The following CHRM5 variants were observed in gnomAD, a reference collection of about 807,000 sequenced individuals.
The protein encoded by CHRM5 is cholinergic receptor muscarinic 5.
In CHRM5, 18 loss-of-function variants were observed where a neutral mutation model predicts 39.0. The ratio of observed to expected loss-of-function variants is 0.46; its 90% CI spans 0.32 to 0.68. CHRM5 has a LOEUF of 0.68. CHRM5 is among the 30% of genes least tolerant of loss of function. CHRM5 has a pLI of 0.04. For missense variants in CHRM5, 515 were observed against 651.1 expected (o/e 0.79, Z 2.28); for synonymous variants, 241 against 246.3 (o/e 0.98, Z 0.20).
chr15:34,062,143 C>T (rs1027127826), intron 2 of CHRM5, among the ~76,000 whole-genome samples: 1 of 152,190 alleles, frequency 6.6e-6, no homozygotes, highest in African/African-American at 2.4e-5. Flanking sequence ...GAAGGGCACT[C>T]AGCCATAGGT....
At chr15:34,031,134 A>C (rs1299693510) in intron 1 of CHRM5, among the ~76,000 whole-genome samples, 1 of 148,600 alleles carries the variant, frequency 6.7e-6, no homozygotes, top group African/African-American at 2.5e-5. Context: ...TTTTTGTAAC[A>C]GCCTATTATC....
At position 34,026,787 on chromosome 15, in the gene CHRM5, C is replaced by T. The variant is rs181152554; in HGVS notation, c.-407-19753C>T. Among the ~76,000 whole-genome samples the T allele has an allele frequency of 5.2e-3, 789 of 152,192 alleles. 4 individuals are homozygous for T. The highest frequency in any genetic ancestry group is 7.6e-3 in the Non-Finnish European group (514 of 68,022). On this transcript the variant is annotated intron_variant, in intron 1 of 2. Coordinates refer to ENST00000383263, the MANE Select transcript of CHRM5 (RefSeq NM_012125.4). ...ATTGACAGTTTCAGAAAAAGTAAGT[C>T]GCTCACATTAAATATTAAAAACTTC...
At chr15:34,018,177 T>C (rs1163786290) in intron 1 of CHRM5, 1 of 152,264 alleles carries the variant, frequency 6.6e-6, no homozygotes, top group African/African-American at 2.4e-5. Flanking sequence ...AAGGCATTGT[T>C]ACATAGGAGA....
intron 2 of CHRM5, among the ~76,000 whole-genome samples, 196 bp downstream of exon 2, chr15:34,047,067 T>C (rs908485166): frequency 3.3e-5 from 4 of 120,432 alleles, no homozygotes; most frequent in African/African-American, 1.1e-4. Context: ...TTTGGTTTTT[T>C]TGTTGGTTTT....
intron 1 of CHRM5, among the ~76,000 whole-genome samples, chr15:34,036,044 C>T (rs543712443): frequency 1.3e-5 from 2 of 152,104 alleles, no homozygotes; most frequent in Non-Finnish European, 2.9e-5. Context: ...GACCCACCCA[C>T]CTCAGCCTCC....
At chr15:34,023,364 T>C (rs926189504) in intron 1 of CHRM5, among the ~76,000 whole-genome samples, 1 of 152,164 alleles carries the variant, frequency 6.6e-6, no homozygotes, top group African/African-American at 2.4e-5. Flanking sequence ...GCTAACCTCA[T>C]CTTGGCCGAG....
chr15:34,026,710 C>T (rs1383638262), intron 1 of CHRM5, among the ~76,000 whole-genome samples: 3 of 152,130 alleles, frequency 2.0e-5, no homozygotes, highest in African/African-American at 7.2e-5. Flanking sequence ...GTAACTAAAT[C>T]ACTAGTTTTT....
chr15:34,038,254 T>C (rs1330621914), intron 1 of CHRM5, among the ~76,000 whole-genome samples: 1 of 152,144 alleles, frequency 6.6e-6, no homozygotes. Context: ...AGTCCAGTCG[T>C]AGGGGTCATT....
At chr15:34,003,269 TC>T in intron 1 of CHRM5, 1 of 1,518,126 alleles carries the variant, frequency 6.6e-7, no homozygotes, top group Non-Finnish European at 9.0e-7. Flanking sequence ...TTAGTAGACT[TC>T]CCAGTAAAAC....
chr15:34,049,631 T>C (rs1010588437), intron 2 of CHRM5, among the ~76,000 whole-genome samples: 4 of 151,962 alleles, frequency 2.6e-5, no homozygotes, highest in African/African-American at 9.7e-5. Context: ...GTCAGGAGAA[T>C]TTCCCCAACC....
intron 1 of CHRM5, among the ~76,000 whole-genome samples, chr15:34,027,566 C>T (rs1355992139): frequency 2.0e-5 from 3 of 150,562 alleles, no homozygotes; most frequent in Non-Finnish European, 4.4e-5. Context: ...AGCCTCACAA[C>T]TATGGTAACT....
At chr15:34,037,181 C>A (rs970331818) in intron 1 of CHRM5, among the ~76,000 whole-genome samples, 2 of 151,896 alleles carry the variant, frequency 1.3e-5, no homozygotes, top group Non-Finnish European at 2.9e-5. Flanking sequence ...AACAGAAGCA[C>A]CTTCACTCAC....
rs1364895275 is a variant in CHRM5, at chr15:34,066,268, C to T, written c.*1952C>T. On this transcript the variant is annotated 3_prime_UTR_variant, in exon 3 of 3. Coordinates refer to ENST00000383263, the MANE Select transcript of CHRM5 (RefSeq NM_012125.4). ...TGACTTCATGAGCAAACCTGCTCTA[C>T]CAGCGCCAGATAAACAGTTGAGTCT... 1 of 152,224 alleles carries T rather than the reference C, an allele frequency of 6.6e-6. No homozygotes were observed. Among genetic ancestry groups the T allele is most frequent in the African/African-American group, 2.4e-5 (1 of 41,450 alleles). The allele number at this position is 152,224 out of a possible 1,614,324, so 9.4% of individuals were successfully genotyped here.
chr15:33,978,118 A>G lies in CHRM5; in HGVS notation c.-408+8968A>G, dbSNP rs186188802. Among the ~76,000 whole-genome samples the G allele has an allele frequency of 2.0e-3, 311 of 152,286 alleles. 3 individuals are homozygous for G. Among genetic ancestry groups the G allele is most frequent in the African/African-American group, 7.0e-3 (291 of 41,568 alleles). On this transcript the variant is annotated intron_variant, in intron 1 of 2. Coordinates refer to ENST00000383263, the MANE Select transcript of CHRM5 (RefSeq NM_012125.4). Reference sequence around the variant, plus strand: ...GTCTATATAAAACTATTTTAAAAACATAGAAATTCAACCAGAAAACCTTAG... The same window carrying G: ...GTCTATATAAAACTATTTTAAAAACGTAGAAATTCAACCAGAAAACCTTAG...
intron 2 of CHRM5, among the ~76,000 whole-genome samples, chr15:34,049,645 C>T (rs969134342): frequency 6.6e-6 from 1 of 152,068 alleles, no homozygotes; most frequent in African/African-American, 2.4e-5. Context: ...CCCAACCTAG[C>T]AAGTCAGGCC....
intron 2 of CHRM5, among the ~76,000 whole-genome samples, chr15:34,057,078 C>A (rs1382547962): frequency 6.6e-6 from 1 of 151,952 alleles, no homozygotes; most frequent in Non-Finnish European, 1.5e-5. Flanking sequence ...ATTATTTTAC[C>A]CTGTCCCTTA....
At chr15:34,058,555 AACACACACAC>A (rs3027963) in intron 2 of CHRM5, among the ~76,000 whole-genome samples, 14 of 143,286 alleles carry the variant, frequency 9.8e-5, no homozygotes, top group South Asian at 9.3e-4. Flanking sequence ...CTTTAATTCT[AACACACACAC>A]ACACACACAC....
chr15:34,046,964 C>T (rs1459194390), intron 2 of CHRM5, 93 bp downstream of exon 2: 1 of 152,310 alleles, frequency 6.6e-6, no homozygotes, highest in Non-Finnish European at 1.5e-5. Flanking sequence ...GAGCCCATGC[C>T]AGCAGAGCCT....
chr15:34,029,466 A>G (rs1446903721), intron 1 of CHRM5, among the ~76,000 whole-genome samples: 1 of 142,616 alleles, frequency 7.0e-6, no homozygotes, highest in Non-Finnish European at 1.5e-5. Flanking sequence ...GGATCACTTG[A>G]GTCCAGGAGT....
Sources: allele counts gnomAD v4.1 joint callset (sites outside exome capture counted in the v4.1 genomes callset), GRCh38; gene constraint gnomAD v4.1.1; transcripts MANE v1.5; gene names NCBI Gene and HGNC (gene_info 2026-07-23, HGNC 2026-07-21).